The following WDR47 variants were observed in gnomAD, a reference collection of about 807,000 sequenced individuals.
WDR47 encodes the protein WD repeat-containing protein 47.
Under a neutral mutation model 97.2 loss-of-function variants are expected in WDR47, and 32 were observed. The ratio of observed to expected loss-of-function variants is 0.33; its 90% CI spans 0.25 to 0.44. The LOEUF (loss-of-function observed/expected upper bound fraction) is 0.44. Ranked by LOEUF, WDR47 falls within the 20% of genes least tolerant of loss-of-function variation. The probability of loss-of-function intolerance (pLI) is 1.00; values close to 1 mark genes in which losing one functional copy is unlikely to be tolerated. For synonymous variants in WDR47, 375 were observed against 373.5 expected (o/e 1.00, Z -0.05); for missense variants, 782 against 1,102.3 (o/e 0.71, Z 4.11).
chr1:108,986,546 G>A lies in WDR47; in HGVS notation c.1902C>T (p.Ala634=). 1.2e-6 allele frequency: 2 copies of A among 1,613,250 alleles called. No homozygotes were observed. Among genetic ancestry groups the A allele is most frequent in the Non-Finnish European group, 1.7e-6 (2 of 1,179,570 alleles). Residue 634 remains alanine, a synonymous_variant, in exon 10 of 15, where the codon GCC becomes GCT. Transcript: ENST00000369962. ...ACCTTGGATCAATTACATCTGGATA[G>A]GCACATACTCTCAGAGTTTTTGAAT... The part of the protein sequence containing the change: ...GSNSKTLRVC[A]YPDVIDPSAH...
At chr1:109,001,754 T>C (rs919481504) in intron 7 of WDR47, among the ~76,000 whole-genome samples, 2 of 151,776 alleles carry the variant, frequency 1.3e-5, no homozygotes, top group African/African-American at 2.4e-5. Context: ...TAGCTGGGTG[T>C]GGTGGTATAT....
chr1:108,977,055 T>C (rs1198724720), intron 13 of WDR47, among the ~76,000 whole-genome samples: 2 of 152,170 alleles, frequency 1.3e-5, no homozygotes, highest in Non-Finnish European at 2.9e-5. Flanking sequence ...TGAAAGTGTA[T>C]GGTAAGGAAG....
At chr1:108,977,246 G>A (rs1485305392) in intron 13 of WDR47, among the ~76,000 whole-genome samples, 2 of 152,094 alleles carry the variant, frequency 1.3e-5, no homozygotes, top group South Asian at 2.1e-4. Context: ...CCGCCTCCCA[G>A]GTTCAAGCGA....
At chr1:108,991,408 A>G (rs1659341362) in intron 8 of WDR47, 79 bp from the exon 9 acceptor site, 1 of 1,334,186 alleles carries the variant, frequency 7.5e-7, no homozygotes, top group East Asian at 2.4e-5. Flanking sequence ...TTCAAACACT[A>G]ATTTTTCTTT....
chr1:109,026,354 T>G (rs1266574392), intron 1 of WDR47, among the ~76,000 whole-genome samples: 1 of 152,050 alleles, frequency 6.6e-6, no homozygotes, highest in Non-Finnish European at 1.5e-5. Context: ...CCCACCTTTT[T>G]TTTTTTTTCA....
chr1:109,011,968 G>A (rs1661061365), intron 4 of WDR47, among the ~76,000 whole-genome samples: 1 of 152,026 alleles, frequency 6.6e-6, no homozygotes, highest in African/African-American at 2.4e-5. Flanking sequence ...GCATAAGACA[G>A]GATCTCACTC....
chr1:109,032,074 G>A (rs1351314484), intron 1 of WDR47, among the ~76,000 whole-genome samples: 3 of 138,580 alleles, frequency 2.2e-5, no homozygotes, highest in East Asian at 2.1e-4. Flanking sequence ...TGCTGAGAAC[G>A]CAGGCATAAG....
At chr1:108,990,596 TA>T (rs1659251921) in intron 9 of WDR47, among the ~76,000 whole-genome samples, 1 of 152,156 alleles carries the variant, frequency 6.6e-6, no homozygotes, top group Non-Finnish European at 1.5e-5. Flanking sequence ...GTGCTTATCA[TA>T]AAAATGGTCA....
At chr1:109,021,059 T>A (rs770002575) in intron 2 of WDR47, among the ~76,000 whole-genome samples, 4 of 152,156 alleles carry the variant, frequency 2.6e-5, no homozygotes, top group Non-Finnish European at 5.9e-5. Context: ...TTGTCAAGGA[T>A]ATTTGGTATC....
At chr1:108,987,896 G>A (rs486689) in intron 9 of WDR47, among the ~76,000 whole-genome samples, 8 of 151,870 alleles carry the variant, frequency 5.3e-5, no homozygotes, top group Non-Finnish European at 8.8e-5. Flanking sequence ...ACTAAGCTCA[G>A]TTCATAAACA....
chr1:108,983,517 A>G (rs1342006275), intron 10 of WDR47, 66 bp from the exon 11 acceptor site: 2 of 1,305,238 alleles, frequency 1.5e-6, no homozygotes, highest in East Asian at 5.4e-5. Context: ...ATGAGGTTCC[A>G]TATTATACTT....
At chr1:109,036,784 G>T (rs1337029172) in intron 1 of WDR47, among the ~76,000 whole-genome samples, 1 of 151,692 alleles carries the variant, frequency 6.6e-6, no homozygotes, top group Admixed American at 6.6e-5. Context: ...GCAGTGAGCC[G>T]AGATCATGCC....
At chr1:108,982,009 GC>G in intron 12 of WDR47, 145 bp from the exon 13 acceptor site, 3 of 853,358 alleles carry the variant, frequency 3.5e-6, no homozygotes, top group South Asian at 3.8e-5. Flanking sequence ...GACTGCTGGA[GC>G]CCAGGAGTTC....
chr1:109,038,557 T>C (rs571956514), intron 1 of WDR47, among the ~76,000 whole-genome samples: 5 of 151,616 alleles, frequency 3.3e-5, no homozygotes, highest in Non-Finnish European at 7.4e-5. Flanking sequence ...CAAGCACCTG[T>C]AGTCCTAGCT....
intron 1 of WDR47, among the ~76,000 whole-genome samples, chr1:109,032,574 GA>G (rs947130205): frequency 6.7e-5 from 10 of 150,096 alleles, no homozygotes; most frequent in South Asian, 2.1e-4. Context: ...AAAAGGTAAA[GA>G]AAAAAAATTG....
chr1:109,025,305 C>T (rs754118166), intron 1 of WDR47, among the ~76,000 whole-genome samples: 1 of 151,668 alleles, frequency 6.6e-6, no homozygotes, highest in African/African-American at 2.4e-5. Flanking sequence ...AGCATGTGTG[C>T]CTGTAGTTCC....
intron 9 of WDR47, among the ~76,000 whole-genome samples, chr1:108,989,072 A>T (rs1421249126): frequency 3.9e-5 from 6 of 152,020 alleles, no homozygotes; most frequent in South Asian, 4.1e-4. Flanking sequence ...TTTACTTTAA[A>T]CTGTCAACCT....
At chr1:109,017,771 G>C (rs1395911416) in intron 2 of WDR47, among the ~76,000 whole-genome samples, 170 bp from the exon 3 acceptor site, 1 of 147,366 alleles carries the variant, frequency 6.8e-6, no homozygotes. Context: ...TTTTGAGACA[G>C]AGTGTCGCTC....
At chr1:109,027,522 TG>T (rs941403728) in intron 1 of WDR47, among the ~76,000 whole-genome samples, 2 of 152,078 alleles carry the variant, frequency 1.3e-5, no homozygotes, top group African/African-American at 4.8e-5. Context: ...TGATATATAC[TG>T]CATACTTTTT....
Sources: gnomAD v4.1 joint callset for allele counts (sites outside exome capture counted in the v4.1 genomes callset) on GRCh38, gnomAD v4.1.1 for gene constraint, MANE v1.5 for transcripts, NCBI Gene and HGNC (gene_info 2026-07-23, HGNC 2026-07-21) for gene names.